Variants in LIMD1 observed in about 807,000 individuals in gnomAD.
LIMD1 encodes LIM domain-containing protein 1.
A neutral mutation model predicts 58.4 loss-of-function variants in LIMD1; 23 were observed. That is an observed-to-expected ratio of 0.39 (90% confidence interval 0.28 to 0.56). The LOEUF (loss-of-function observed/expected upper bound fraction) is 0.56, where lower values mean the gene tolerates loss of function less well. LIMD1 is among the 20% of genes least tolerant of loss of function. The pLI, the probability that LIMD1 is intolerant of heterozygous loss-of-function variation, is 0.57. For missense variants in LIMD1, 838 were observed against 855.5 expected, an observed-to-expected ratio of 0.98 and a Z score of 0.25; for synonymous variants, 334 against 345.5, an observed-to-expected ratio of 0.97 and a Z score of 0.37.
rs1053497547 is a variant in LIMD1, at chr3:45,682,291, G to A, written c.*5232G>A. 3.9e-5 allele frequency: 6 copies of A among 152,298 alleles called. No individual in the cohort carries two copies. The highest frequency in any genetic ancestry group is 1.4e-4 in the African/African-American group (6 of 41,460). The allele number at this position is 152,298 out of a possible 1,614,324, so 9.4% of individuals were successfully genotyped here. A position where few individuals can be genotyped will look rare whatever the true frequency, so the allele number is the denominator to read the frequency against. On this transcript the variant is annotated 3_prime_UTR_variant, in exon 8 of 8. Transcript: ENST00000273317. ...CAATCAGGGTAAAAGGCGGTCTGGA[G>A]TTGTGGTGTGCTGGCAAACCAGCCC...
At chr3:45,623,302 G>T (rs1701643619) in intron 1 of LIMD1, among the ~76,000 whole-genome samples, 1 of 152,200 alleles carries the variant, frequency 6.6e-6, no homozygotes, top group African/African-American at 2.4e-5. Flanking sequence ...ACCAGAGGCT[G>T]CAGGCTGGGC....
chr3:45,604,584 A>AC (rs1314472694), intron 1 of LIMD1, among the ~76,000 whole-genome samples: 3 of 151,908 alleles, frequency 2.0e-5, no homozygotes, highest in Non-Finnish European at 4.4e-5. Context: ...GCTCTGGCCC[A>AC]CCCCTCCTGT....
At chr3:45,671,492 C>G (rs572773141) in intron 4 of LIMD1, among the ~76,000 whole-genome samples, 11 of 152,278 alleles carry the variant, frequency 7.2e-5, no homozygotes, top group African/African-American at 2.6e-4. Flanking sequence ...TTGGTGTGAC[C>G]TTGCTCATGT....
chr3:45,662,718 C>T (rs759844546), intron 2 of LIMD1, among the ~76,000 whole-genome samples: 3 of 152,008 alleles, frequency 2.0e-5, no homozygotes, highest in Non-Finnish European at 2.9e-5. Flanking sequence ...AGTTTGTGGC[C>T]GGGCATGGTG....
In LIMD1 at chr3:45,662,461, A is replaced by G. The variant is rs1022880704; in HGVS notation, c.1511-3189A>G. 3.9e-5 allele frequency among the ~76,000 whole-genome samples: 6 copies of G among 152,210 alleles called. No individual in the cohort carries two copies. The South Asian group carries it at 1.2e-3, about 32-fold the overall frequency. On this transcript the variant is annotated intron_variant, in intron 2 of 7. Transcript: ENST00000273317. ...GTGTGTATTTTAAAACCTACTGGAAAGTACTATAGGAAATAATCCTTATTT... is the reference window on the plus strand; with the variant it reads ...GTGTGTATTTTAAAACCTACTGGAAGGTACTATAGGAAATAATCCTTATTT...
intron 2 of LIMD1, among the ~76,000 whole-genome samples, chr3:45,644,299 T>A (rs1701878463): frequency 6.6e-6 from 1 of 152,242 alleles, no homozygotes; most frequent in South Asian, 2.1e-4. Flanking sequence ...AAATACTGCA[T>A]CTGAAATCCT....
intron 7 of LIMD1, among the ~76,000 whole-genome samples, chr3:45,675,522 C>T (rs1177602551): frequency 6.6e-6 from 1 of 151,898 alleles, no homozygotes; most frequent in South Asian, 2.1e-4. Context: ...GAGCAAGACT[C>T]CGTCTCAAAA....
At chr3:45,662,012 C>T (rs1365788697) in intron 2 of LIMD1, among the ~76,000 whole-genome samples, 7 of 152,308 alleles carry the variant, frequency 4.6e-5, no homozygotes, top group African/African-American at 1.4e-4. Context: ...CCCACCTTGG[C>T]CTCCCAAAGT....
rs1445277100 is a variant in LIMD1 at position 45,681,648 on chromosome 3, T to G, written c.*4589T>G. On this transcript the variant is annotated 3_prime_UTR_variant, in exon 8 of 8. Coordinates refer to ENST00000273317, the MANE Select transcript of LIMD1 (RefSeq NM_014240.3). ...GACCCTGGTATTTGATAATGGGCAGTAAGCCTGCCTGACTTTTGCTCCAGA... is the reference window on the plus strand; with the variant it reads ...GACCCTGGTATTTGATAATGGGCAGGAAGCCTGCCTGACTTTTGCTCCAGA... The G allele has an allele frequency of 1.3e-5, 2 of 152,254 alleles. No individual in the cohort carries two copies. The highest frequency in any genetic ancestry group is 2.9e-5 in the Non-Finnish European group (2 of 68,046). The allele number at this position is 152,254 out of a possible 1,614,324, so 9.4% of individuals were successfully genotyped here. A position where few individuals can be genotyped will look rare whatever the true frequency, so the allele number is the denominator to read the frequency against.
chr3:45,652,200 T>TAC, intron 2 of LIMD1, among the ~76,000 whole-genome samples: 1 of 152,346 alleles, frequency 6.6e-6, no homozygotes, highest in African/African-American at 2.4e-5. Flanking sequence ...GTGCTGGCAT[T>TAC]ACAGGTGAGA....
At chr3:45,676,080 C>T (rs1407540434) in intron 7 of LIMD1, among the ~76,000 whole-genome samples, 1 of 152,080 alleles carries the variant, frequency 6.6e-6, no homozygotes, top group African/African-American at 2.4e-5. Flanking sequence ...CCTGTCTCTA[C>T]TAAAAATACA....
chr3:45,596,439 G>C, intron 1 of LIMD1, 152 bp downstream of exon 1: 1 of 673,550 alleles, frequency 1.5e-6, no homozygotes, highest in Non-Finnish European at 2.5e-6. Context: ...TCCTCTTTCA[G>C]CTGCTTTTTC....
intron 2 of LIMD1, among the ~76,000 whole-genome samples, chr3:45,650,736 T>G (rs529468911): frequency 3.3e-5 from 5 of 152,300 alleles, no homozygotes; most frequent in Middle Eastern, 6.8e-3. Context: ...CAGCCTATTA[T>G]TGATGGATAT....
chr3:45,640,721 C>T (rs900430482), intron 2 of LIMD1, among the ~76,000 whole-genome samples: 2 of 152,224 alleles, frequency 1.3e-5, no homozygotes, highest in Admixed American at 6.5e-5. Context: ...TGAGCCACCA[C>T]TCCCAACCCT....
intron 1 of LIMD1, among the ~76,000 whole-genome samples, chr3:45,633,841 G>A (rs1401260599): frequency 1.3e-5 from 2 of 152,130 alleles, no homozygotes; most frequent in Non-Finnish European, 2.9e-5. Context: ...TTCCTTTGAT[G>A]GTGATGCAGT....
intron 1 of LIMD1, among the ~76,000 whole-genome samples, 195 bp downstream of exon 1, chr3:45,596,482 A>G (rs1701353910): frequency 6.6e-6 from 1 of 152,154 alleles, no homozygotes; most frequent in African/African-American, 2.4e-5. Context: ...CCTGGGGCAG[A>G]AAGCGGACCT....
At chr3:45,636,285 G>T in intron 2 of LIMD1, 34 bp downstream of exon 2, 1 of 1,471,850 alleles carries the variant, frequency 6.8e-7, no homozygotes. Context: ...GTGTGTGGGG[G>T]ATGCGTAAGG....
At chr3:45,620,934 A>G (rs186271880) in intron 1 of LIMD1, among the ~76,000 whole-genome samples, 1 of 152,362 alleles carries the variant, frequency 6.6e-6, no homozygotes, top group Admixed American at 6.5e-5. Context: ...GCATGTTGAC[A>G]TCATGTACAC....
intron 2 of LIMD1, among the ~76,000 whole-genome samples, chr3:45,661,868 C>T (rs1697446069): frequency 6.6e-6 from 1 of 152,188 alleles, no homozygotes; most frequent in East Asian, 1.9e-4. Context: ...AGTGATCCTC[C>T]TAGCTCAGCC....
Sources: allele counts gnomAD v4.1 joint callset (sites outside exome capture counted in the v4.1 genomes callset), GRCh38; gene constraint gnomAD v4.1.1; transcripts MANE v1.5; gene names NCBI Gene and HGNC (gene_info 2026-07-23, HGNC 2026-07-21).